GRID2: variants seen among roughly 807,000 people sequenced by gnomAD.
The protein encoded by GRID2 is glutamate receptor ionotropic, delta-2.
In GRID2, 33 loss-of-function variants were observed where a neutral mutation model predicts 114.8. The ratio of observed to expected loss-of-function variants is 0.29; its 90% confidence interval spans 0.22 to 0.38. GRID2 has a LOEUF of 0.38. Ranked by LOEUF, GRID2 falls within the 10% of genes least tolerant of loss-of-function variation. The pLI is 1.00. For missense variants in GRID2, 1,184 were observed against 1,257.7 expected (o/e 0.94, Z 0.89); for synonymous variants, 505 against 449.9 (o/e 1.12, Z -1.55).
At chr4:92,593,603 G>A (rs1264659914) in intron 2 of GRID2, among the ~76,000 whole-genome samples, 1 of 151,804 alleles carries the variant, frequency 6.6e-6, no homozygotes, top group East Asian at 1.9e-4. Context: ...ATCAATGACT[G>A]TATCTGTTAA....
chr4:93,459,942 A>T (rs1342348979), intron 11 of GRID2, among the ~76,000 whole-genome samples: 1 of 152,094 alleles, frequency 6.6e-6, no homozygotes, highest in Non-Finnish European at 1.5e-5. Context: ...AAGTCCTGTC[A>T]ATTTTACCTA....
At chr4:92,832,211 G>A (rs544287117) in intron 2 of GRID2, among the ~76,000 whole-genome samples, 1 of 151,968 alleles carries the variant, frequency 6.6e-6, no homozygotes, top group Non-Finnish European at 1.5e-5. Context: ...AGGCCAAGGC[G>A]GGCTGATCAC....
At chr4:93,798,653 AAGC>A (rs1368951322) in intron 1 of GRID2, among the ~76,000 whole-genome samples, 13 of 152,354 alleles carry the variant, frequency 8.5e-5, no homozygotes, top group African/African-American at 3.1e-4. Flanking sequence ...CATATCTAAG[AAGC>A]AGAAGTGCTC....
intron 2 of GRID2, among the ~76,000 whole-genome samples, chr4:92,984,682 T>C (rs911802011): frequency 6.6e-6 from 1 of 152,138 alleles, no homozygotes; most frequent in Non-Finnish European, 1.5e-5. Flanking sequence ...AAAGACTATT[T>C]GAATTTCACC....
At chr4:92,442,032 T>G (rs59222306) in intron 1 of GRID2, among the ~76,000 whole-genome samples, 23,482 of 151,054 alleles carry the variant, frequency 0.16, 2,092 homozygotes, top group African/African-American at 0.28. Flanking sequence ...TGTAAGAGGT[T>G]TAGAAGCCTG....
At chr4:92,813,687 C>T (rs1451264462) in intron 2 of GRID2, among the ~76,000 whole-genome samples, 3 of 151,890 alleles carry the variant, frequency 2.0e-5, no homozygotes, top group Non-Finnish European at 4.4e-5. Flanking sequence ...CTCACACACA[C>T]TTTTTAAGAT....
intron 4 of GRID2, among the ~76,000 whole-genome samples, chr4:93,125,229 G>A (rs1310930254): frequency 1.3e-5 from 2 of 151,838 alleles, no homozygotes; most frequent in African/African-American, 4.8e-5. Flanking sequence ...AGCTATCTGA[G>A]ATCCTCCTTA....
chr4:93,184,993 T>C (rs1056603073), intron 4 of GRID2, among the ~76,000 whole-genome samples: 21 of 152,226 alleles, frequency 1.4e-4, no homozygotes, highest in African/African-American at 5.1e-4. Context: ...TCAGTATTCA[T>C]TCAACTTGAA....
rs1248508380 is a variant in GRID2, at chr4:93,644,264, A to AC, written c.2360+17831dup. Among the ~76,000 whole-genome samples the AC allele has an allele frequency of 7.5e-5, 9 of 119,340 alleles. 2 individuals carry two copies. The highest frequency in any genetic ancestry group is 1.6e-4 in the Non-Finnish European group (9 of 57,022). 78.3% of individuals were successfully genotyped at this position (119,340 alleles called of 152,430 possible). On this transcript the variant is annotated intron_variant, in intron 14 of 15. Coordinates refer to ENST00000282020, the MANE Select transcript of GRID2 (RefSeq NM_001510.4). Reference sequence around the variant, plus strand: ...TACCTCAGATGGAAATGCAGAAATCACCGTCTTCTGCGTCGCTCACGCTGG... The same window carrying AC: ...TACCTCAGATGGAAATGCAGAAATCACCCGTCTTCTGCGTCGCTCACGCTGG...
intron 7 of GRID2, among the ~76,000 whole-genome samples, chr4:93,230,078 A>G (rs1232640659): frequency 2.0e-5 from 3 of 151,918 alleles, no homozygotes; most frequent in South Asian, 4.1e-4. Context: ...CTGATTAAAG[A>G]TTTATAGTGT....
At chr4:92,785,061 G>A (rs1482298361) in intron 2 of GRID2, among the ~76,000 whole-genome samples, 1 of 143,684 alleles carries the variant, frequency 7.0e-6, no homozygotes, top group South Asian at 2.2e-4. Context: ...GCTAGGGGCA[G>A]TTTTGTGTTC....
In GRID2 at chr4:92,557,645, T is replaced by A. The variant is rs373854410; in HGVS notation, c.89-32486T>A. 1.3e-4 allele frequency among the ~76,000 whole-genome samples: 19 copies of A among 142,690 alleles called. No individual in the cohort carries two copies. In the Admixed American group the frequency reaches 1.3e-3, roughly 10 times the overall value. The allele number at this position is 142,690 out of a possible 152,430, so 93.6% of individuals were successfully genotyped here. A position where few individuals can be genotyped will look rare whatever the true frequency, so the allele number is the denominator to read the frequency against. ...TACTTCACTGCATATATATATATGG[T>A]TATATATATATATATAACCAAACTG... On this transcript the variant is annotated intron_variant, in intron 1 of 15. Coordinates refer to ENST00000282020, the MANE Select transcript of GRID2 (RefSeq NM_001510.4).
intron 2 of GRID2, among the ~76,000 whole-genome samples, chr4:92,698,995 T>A (rs184118669): frequency 8.1e-4 from 124 of 152,262 alleles, no homozygotes; most frequent in South Asian, 2.7e-3. Flanking sequence ...AACCAGTTGT[T>A]TTCTTATTTT....
chr4:93,334,172 T>A (rs1162071410), intron 8 of GRID2, among the ~76,000 whole-genome samples: 2 of 152,224 alleles, frequency 1.3e-5, no homozygotes, highest in Non-Finnish European at 2.9e-5. Context: ...TTGTGATTAA[T>A]ACTGCTAACA....
chr4:92,739,593 T>C (rs947704558), intron 2 of GRID2, among the ~76,000 whole-genome samples: 1 of 152,160 alleles, frequency 6.6e-6, no homozygotes, highest in African/African-American at 2.4e-5. Flanking sequence ...AGTGTTTTGG[T>C]GGAAGAGCAG....
At chr4:93,385,969 T>C (rs965573950) in intron 8 of GRID2, among the ~76,000 whole-genome samples, 2 of 152,150 alleles carry the variant, frequency 1.3e-5, no homozygotes, top group Non-Finnish European at 2.9e-5. Context: ...TGTCCATATA[T>C]GTTAGATATA....
intron 2 of GRID2, among the ~76,000 whole-genome samples, chr4:92,966,683 T>C (rs78671639): frequency 0.015 from 2,297 of 151,996 alleles, 20 homozygotes; most frequent in East Asian, 0.053. Context: ...GTAAGACATG[T>C]CTTTTTCTTT....
At chr4:93,681,925 C>G (rs140851838) in intron 14 of GRID2, among the ~76,000 whole-genome samples, 1 of 150,786 alleles carries the variant, frequency 6.6e-6, no homozygotes, top group Non-Finnish European at 1.5e-5. Flanking sequence ...CCAAAATTGA[C>G]GAATGGGATC....
At chr4:93,591,593 C>G (rs1738314079) in intron 13 of GRID2, among the ~76,000 whole-genome samples, 1 of 152,054 alleles carries the variant, frequency 6.6e-6, no homozygotes, top group South Asian at 2.1e-4. Context: ...GGAGGATTCC[C>G]TCTTTTTCTA....
Sources: gnomAD v4.1 joint callset for allele counts (sites outside exome capture counted in the v4.1 genomes callset) on GRCh38, gnomAD v4.1.1 for gene constraint, MANE v1.5 for transcripts, NCBI Gene and HGNC (gene_info 2026-07-23, HGNC 2026-07-21) for gene names.